Variants in UBR4 observed in about 807,000 individuals in gnomAD.
The protein encoded by UBR4 is ubiquitin protein ligase E3 component n-recognin 4.
UBR4 carries 124 observed loss-of-function variants against 575.6 expected under a neutral mutation model. The ratio of observed to expected loss-of-function variants is 0.22; its 90% CI spans 0.19 to 0.25. The LOEUF is 0.25. Ranked by LOEUF, UBR4 falls within the 10% of genes least tolerant of loss-of-function variation. The pLI is 1.00. For missense variants in UBR4, 4,818 were observed against 6,478.8 expected (o/e 0.74, Z 8.80); for synonymous variants, 2,455 against 2,473.7 (o/e 0.99, Z 0.22).
intron 2 of UBR4, among the ~76,000 whole-genome samples, chr1:19,200,592 A>C (rs1015719869): frequency 6.6e-6 from 1 of 152,110 alleles, no homozygotes; most frequent in African/African-American, 2.4e-5. Context: ...CTCTACCAAA[A>C]ATACAAAAAT....
Position 19,157,737 on chromosome 1 carries a change from A to T in UBR4, c.5760+78T>A. The T allele has an allele frequency of 1.9e-6, 3 of 1,543,470 alleles. No individual in the cohort carries two copies. Among genetic ancestry groups the T allele is most frequent in the Non-Finnish European group, 2.6e-6 (3 of 1,136,630 alleles). On this transcript the variant is annotated intron_variant, in intron 40 of 105. Coordinates refer to ENST00000375254, the MANE Select transcript of UBR4 (RefSeq NM_020765.3). The surrounding 1 kb of genome is among the most constrained non-coding windows in gnomAD (Gnocchi z 4.4). ...TTTTTCCCACAGAGGGCTAATCCGAATGTGGTCATCAATTTGTTTTGCTTA... is the reference window on the plus strand; with the variant it reads ...TTTTTCCCACAGAGGGCTAATCCGATTGTGGTCATCAATTTGTTTTGCTTA...
rs550546558 is a variant in UBR4 at position 19,173,185 on chromosome 1, C to A, written c.3287G>T (p.Arg1096Leu). ...TTAGGTTCCAATATTACATACCTGTCGAGCGAAGTATTCCTCTACTATTTC... is the reference window on the plus strand; with the variant it reads ...TTAGGTTCCAATATTACATACCTGTAGAGCGAAGTATTCCTCTACTATTTC... ...DVEIVEEYFA[R>L]QISSFCSIDC... Residue 1096 changes from arginine to leucine, a missense_variant, in exon 24 of 106, where the codon CGA (arginine) becomes CTA (leucine). Physicochemically the swap from Arg to Leu is moderately radical, Grantham distance 102. Coordinates refer to ENST00000375254, the MANE Select transcript of UBR4 (RefSeq NM_020765.3). 13 of 1,614,102 alleles carry A rather than the reference C, an allele frequency of 8.1e-6. No individual in the cohort carries two copies. In the African/African-American group the frequency reaches 1.5e-4, roughly 18 times the overall value.
In UBR4 at chr1:19,173,506, C is replaced by T; in HGVS notation, c.3098G>A (p.Cys1033Tyr). Residue 1033 changes from cysteine (C) to tyrosine (Y), a missense_variant, in exon 23 of 106, where the codon TGT (cysteine) becomes TAT (tyrosine). By Grantham distance (194) the Cys-to-Tyr change is radical. This residue lies in a region of UBR4 where 1,172 missense variants were observed against 1,259.7 expected (regional missense o/e 0.93). Transcript: ENST00000375254. ...CCATCGCAGAGTGTGCAAGATGTCACATTCGCTCATCTCAGGTGAGTTCAT... is the reference window on the plus strand; with the variant it reads ...CCATCGCAGAGTGTGCAAGATGTCATATTCGCTCATCTCAGGTGAGTTCAT... ...LSMNSPEMSE[C>Y]DILHTLRWSS... 6.2e-7 allele frequency: 1 copy of T among 1,614,120 alleles called. No homozygotes were observed. The highest frequency in any genetic ancestry group is 1.1e-5 in the South Asian group (1 of 91,070).
rs576111500 is a variant in UBR4, at chr1:19,084,540, G to A, written c.14972C>T (p.Pro4991Leu). ...GTAAAGCACAGTGTGAATGATGTAC[G>A]GGATCAGGTGGATGTTGCTCTCCCG... is the stretch of plus-strand genomic sequence containing the variant. ...GGRESNIHLIPYIIHTVLYVL... is the reference protein window; with the variant it reads ...GGRESNIHLILYIIHTVLYVL... The change falls in exon 102 of 106, where the codon CCG becomes CTG. Residue 4991 changes from proline (P) to leucine (L), a missense_variant. Pro to Leu is a moderately conservative substitution (Grantham distance 98, BLOSUM62 -3). Transcript: ENST00000375254. 9.3e-6 allele frequency: 15 copies of A among 1,613,948 alleles called. No individual in the cohort carries two copies. The highest frequency in any genetic ancestry group is 1.7e-5 in the Admixed American group (1 of 59,998).
intron 20 of UBR4, among the ~76,000 whole-genome samples, chr1:19,175,880 A>C (rs1571473886): frequency 6.6e-6 from 1 of 151,554 alleles, no homozygotes; most frequent in Non-Finnish European, 1.5e-5. Context: ...TGCAACCTCA[A>C]CCTCCCAAGC....
At chr1:19,165,203 G>A (rs778004452) in intron 31 of UBR4, 46 bp downstream of exon 31, 15 of 1,556,290 alleles carry the variant, frequency 9.6e-6, no homozygotes, top group Middle Eastern at 1.7e-4. Context: ...AGTATTAGCC[G>A]GACATCAAAG....
At chr1:19,094,760 T>C in intron 94 of UBR4, 146 bp downstream of exon 94, 1 of 1,085,460 alleles carries the variant, frequency 9.2e-7, no homozygotes, top group Non-Finnish European at 1.3e-6. Context: ...AATTATGTCA[T>C]CATTAGTTGA....
intron 86 of UBR4, 123 bp from the exon 87 acceptor site, chr1:19,104,380 G>A: frequency 1.5e-6 from 2 of 1,318,194 alleles, no homozygotes; most frequent in East Asian, 4.9e-5. Flanking sequence ...ATGGCACAGA[G>A]CAGGTGTTCA....
chr1:19,113,921 A>G, intron 76 of UBR4, 24 bp downstream of exon 76: 2 of 1,614,156 alleles, frequency 1.2e-6, no homozygotes, highest in South Asian at 1.1e-5. Flanking sequence ...CCTTATCCAA[A>G]TGCCCTTTGC....
chr1:19,196,732 C>T (rs1390303820), intron 8 of UBR4, among the ~76,000 whole-genome samples: 1 of 152,214 alleles, frequency 6.6e-6, no homozygotes, highest in Non-Finnish European at 1.5e-5. Context: ...TCTCTGTGTA[C>T]CGAAAATATT....
intron 20 of UBR4, among the ~76,000 whole-genome samples, chr1:19,175,940 C>T (rs916509138): frequency 2.6e-5 from 4 of 152,024 alleles, no homozygotes; most frequent in Non-Finnish European, 4.4e-5. Context: ...ACCACAGGCA[C>T]GTGCCACCAT....
intron 65 of UBR4, 61 bp downstream of exon 65, chr1:19,124,480 C>G: frequency 6.3e-7 from 1 of 1,590,982 alleles, no homozygotes; most frequent in Non-Finnish European, 8.6e-7. Flanking sequence ...AAGGGGCCCA[C>G]AGAGGTGAAT....
At position 19,096,393 on chromosome 1, in the gene UBR4, T is replaced by G. The variant is rs1371601301; in HGVS notation, c.13518+130A>C. 1.1e-5 allele frequency: 15 copies of G among 1,411,316 alleles called. No individual in the cohort carries two copies. In the Admixed American group the frequency reaches 1.3e-4, roughly 12 times the overall value. 87.4% of individuals were successfully genotyped at this position (1,411,316 alleles called of 1,614,324 possible). On this transcript the variant is annotated intron_variant, in intron 92 of 105. Coordinates refer to ENST00000375254, the MANE Select transcript of UBR4 (RefSeq NM_020765.3). ...TAGTCCTAACTGCCAGGTCCTTCAC[T>G]GGCTCGCACTGCTCCACGGCACCAT... is the stretch of plus-strand genomic sequence containing the variant.
intron 102 of UBR4, chr1:19,082,040 C>T (rs2076568339): frequency 3.7e-6 from 2 of 536,642 alleles, no homozygotes; most frequent in Non-Finnish European, 6.6e-6. Flanking sequence ...TCCACATAGT[C>T]TTGTTATGTT....
At position 19,197,279 on chromosome 1, in the gene UBR4, G is replaced by A. The variant is rs748276277; in HGVS notation, c.894-14C>T. 1 of 1,613,896 alleles carries A rather than the reference G, an allele frequency of 6.2e-7. No homozygotes were observed. ...AATGAATGAAAGCTGGAACATGACA[G>A]AGATCAACAAGTGTCTCTTAGAATC... is the stretch of plus-strand genomic sequence containing the variant. On this transcript the variant is annotated splice_polypyrimidine_tract_variant and intron_variant, in intron 7 of 105. Transcript: ENST00000375254.
rs2085755783 is a variant in UBR4 at position 19,151,807 on chromosome 1, G to A, written c.7049C>T (p.Thr2350Ile). 1 of 1,613,946 alleles carries A rather than the reference G, an allele frequency of 6.2e-7. No individual in the cohort carries two copies. The highest frequency in any genetic ancestry group is 8.5e-7 in the Non-Finnish European group (1 of 1,179,928). The change falls in exon 48 of 106, where the codon ACA becomes ATA. Residue 2350 changes from threonine (T) to isoleucine (I), a missense_variant. Physicochemically the swap from Thr to Ile is moderately conservative, Grantham distance 89. Transcript: ENST00000375254. Reference protein sequence around the residue: ...ISNNNSTMVMTGMRIQIGTQA... With the variant: ...ISNNNSTMVMIGMRIQIGTQA... ...AGTCCCAATCTGGATCCGCATGCCT[G>A]TCATCACCATAGTGCTATTGTTGTT...
intron 11 of UBR4, among the ~76,000 whole-genome samples, chr1:19,189,555 A>C (rs924659649): frequency 5.9e-5 from 9 of 152,176 alleles, no homozygotes; most frequent in African/African-American, 2.2e-4. Context: ...CCATTTTTGT[A>C]AACTTATATA....
chr1:19,125,100 G>A (rs2081584400), intron 64 of UBR4, among the ~76,000 whole-genome samples: 1 of 152,118 alleles, frequency 6.6e-6, no homozygotes, highest in South Asian at 2.1e-4. Context: ...ATGATAACAA[G>A]AAATTGTTAA....
intron 73 of UBR4, among the ~76,000 whole-genome samples, chr1:19,116,400 C>T (rs1449145653): frequency 6.6e-6 from 1 of 152,210 alleles, no homozygotes; most frequent in Non-Finnish European, 1.5e-5. Context: ...TAATGTGCAG[C>T]ATCTACTTTC....
Sources: allele counts gnomAD v4.1 joint callset (sites outside exome capture counted in the v4.1 genomes callset), GRCh38; gene constraint gnomAD v4.1.1; regional missense constraint gnomAD v4.1.1; non-coding constraint Gnocchi (gnomAD v3.1); transcripts MANE v1.5; gene names NCBI Gene and HGNC (gene_info 2026-07-23, HGNC 2026-07-21).